GPR137C: variants seen among roughly 807,000 people sequenced by gnomAD.
GPR137C encodes G protein-coupled receptor 137C.
Under a neutral mutation model 43.4 loss-of-function variants are expected in GPR137C, and 27 were observed. That is an observed-to-expected ratio of 0.62 (90% CI 0.46 to 0.86). The LOEUF is 0.86. GPR137C is among the 40% of genes least tolerant of loss of function. GPR137C has a pLI of 0.00. For missense variants in GPR137C, 522 were observed against 534.6 expected, an observed-to-expected ratio of 0.98 and a Z score of 0.23; for synonymous variants, 285 against 226.9, an observed-to-expected ratio of 1.26 and a Z score of -2.30.
At chr14:52,622,769 T>A (rs2039174916) in intron 3 of GPR137C, among the ~76,000 whole-genome samples, 1 of 152,094 alleles carries the variant, frequency 6.6e-6, no homozygotes, top group Non-Finnish European at 1.5e-5. Context: ...AGAATTACTT[T>A]AAGGGCACAT....
intron 1 of GPR137C, among the ~76,000 whole-genome samples, chr14:52,577,183 CAAAAAAAAAAAAAAAA>C (rs34249999): frequency 4.9e-5 from 2 of 41,172 alleles, no homozygotes; most frequent in South Asian, 1.2e-3. Flanking sequence ...TAAGACTCCT[CAAAAAAAAAAAAAAAA>C]AAAAAAAAAA....
intron 1 of GPR137C, among the ~76,000 whole-genome samples, chr14:52,592,309 A>G (rs1293504415): frequency 1.3e-5 from 2 of 152,116 alleles, no homozygotes; most frequent in Non-Finnish European, 2.9e-5. Flanking sequence ...TGTCTTGGCT[A>G]TGGGGGCTCT....
Position 52,553,445 on chromosome 14 carries a change from T to G in GPR137C, c.298T>G (p.Phe100Val). The G allele has an allele frequency of 6.2e-7, 1 of 1,609,124 alleles. No homozygotes were observed. The highest frequency in any genetic ancestry group is 1.1e-5 in the South Asian group (1 of 91,070). The change falls in exon 1 of 7, where the codon TTC becomes GTC. Residue 100 changes from phenylalanine to valine, a missense_variant. Transcript: ENST00000321662. ...LLWAALRTTLFSAAFSLSGSL... is the reference protein window; with the variant it reads ...LLWAALRTTLVSAAFSLSGSL... ...GTGGGCAGCGCTCAGGACCACCCTC[T>G]TCTCCGCCGCCTTCTCGCTCAGCGG...
At chr14:52,578,814 CG>C (rs1463133083) in intron 1 of GPR137C, among the ~76,000 whole-genome samples, 2 of 152,070 alleles carry the variant, frequency 1.3e-5, no homozygotes, top group Non-Finnish European at 2.9e-5. Flanking sequence ...CGTGGTGGCA[CG>C]TGCCTTTAGT....
rs138531237 is a variant in GPR137C, at chr14:52,570,103, G to A, written c.444+16512G>A. Among the ~76,000 whole-genome samples, 1,216 of 152,196 alleles carry A rather than the reference G, an allele frequency of 8.0e-3. 15 individuals carry two copies. Among genetic ancestry groups the A allele is most frequent in the African/African-American group, 0.028 (1,160 of 41,522 alleles). On this transcript the variant is annotated intron_variant, in intron 1 of 6. Coordinates refer to ENST00000321662, the MANE Select transcript of GPR137C (RefSeq NM_001099652.2). The stretch of plus-strand genomic sequence containing the variant: ...TTAAGGGCAGCTAGAGAGAAAGGTC[G>A]GGTTACCCACAAAGGGAAGCCCATC...
intron 6 of GPR137C, 56 bp downstream of exon 6, chr14:52,634,002 C>T (rs1311607317): frequency 1.9e-6 from 2 of 1,063,084 alleles, no homozygotes; most frequent in African/African-American, 1.6e-5. Flanking sequence ...TTGAAAAAAA[C>T]AAATCTAAGC....
At chr14:52,607,332 A>G (rs972540580) in intron 3 of GPR137C, among the ~76,000 whole-genome samples, 5 of 152,098 alleles carry the variant, frequency 3.3e-5, no homozygotes, top group Admixed American at 6.6e-5. Flanking sequence ...TTTATCTCCA[A>G]TGTTTCTTTG....
intron 1 of GPR137C, among the ~76,000 whole-genome samples, chr14:52,583,526 T>C (rs943198111): frequency 3.3e-5 from 5 of 152,320 alleles, no homozygotes; most frequent in South Asian, 2.1e-4. Flanking sequence ...TTATGGATTA[T>C]CCCTCTCACC....
intron 1 of GPR137C, among the ~76,000 whole-genome samples, chr14:52,564,039 G>C (rs561199856): frequency 6.6e-6 from 1 of 152,082 alleles, no homozygotes; most frequent in Non-Finnish European, 1.5e-5. Context: ...ACTTTGGGAG[G>C]CCAAGGCAGG....
chr14:52,608,664 CTCTT>C (rs1362257228), intron 3 of GPR137C, among the ~76,000 whole-genome samples: 32 of 151,838 alleles, frequency 2.1e-4, no homozygotes, highest in Admixed American at 2.1e-3. Flanking sequence ...GTGAAAGTCT[CTCTT>C]TCACTTCTAA....
At chr14:52,565,465 T>C (rs886462191) in intron 1 of GPR137C, among the ~76,000 whole-genome samples, 21 of 152,204 alleles carry the variant, frequency 1.4e-4, no homozygotes, top group African/African-American at 4.6e-4. Flanking sequence ...GTGTAGAAAG[T>C]ACCATATTAT....
intron 3 of GPR137C, chr14:52,611,365 T>C (rs546314290): frequency 6.5e-6 from 1 of 153,136 alleles, no homozygotes; most frequent in Admixed American, 6.5e-5. Flanking sequence ...GTAAGTCTAA[T>C]GTGTACCTAG....
At chr14:52,564,828 C>A (rs941282158) in intron 1 of GPR137C, among the ~76,000 whole-genome samples, 2 of 152,010 alleles carry the variant, frequency 1.3e-5, no homozygotes, top group Non-Finnish European at 2.9e-5. Flanking sequence ...TTCACCATAT[C>A]CCAAATAGCA....
At position 52,632,243 on chromosome 14, in the gene GPR137C, G is replaced by A. The variant is rs2039303410; in HGVS notation, c.801G>A (p.Val267=). 2.5e-6 allele frequency: 4 copies of A among 1,609,300 alleles called. No individual in the cohort carries two copies. The Admixed American group carries it at 5.0e-5, about 20-fold the overall frequency. The change falls in exon 4 of 7, where the codon GTG becomes GTA. Residue 267 remains valine, a synonymous_variant. Coordinates refer to ENST00000321662, the MANE Select transcript of GPR137C (RefSeq NM_001099652.2). ...CCAGAGCTTGTTATAATTTGGTGGT[G>A]GTCACCATATCTCAGGATACATTAG... is the stretch of plus-strand genomic sequence containing the variant. ...YSSRACYNLV[V]VTISQDTLES... is the part of the protein sequence containing the mutation.
chr14:52,607,036 C>T (rs959050013), intron 3 of GPR137C, among the ~76,000 whole-genome samples: 4 of 152,028 alleles, frequency 2.6e-5, no homozygotes, highest in East Asian at 1.9e-4. Flanking sequence ...TTAACTTATT[C>T]GTTGAGCCAT....
chr14:52,570,370 C>T (rs539314645), intron 1 of GPR137C, among the ~76,000 whole-genome samples: 4 of 152,256 alleles, frequency 2.6e-5, no homozygotes, highest in South Asian at 2.1e-4. Flanking sequence ...AAGGAACAAC[C>T]GGTAGCAGCC....
chr14:52,610,176 T>C (rs1440184301), intron 3 of GPR137C, among the ~76,000 whole-genome samples: 1 of 152,254 alleles, frequency 6.6e-6, no homozygotes, highest in African/African-American at 2.4e-5. Flanking sequence ...CCTCTTTTGT[T>C]ATCTTCACAG....
chr14:52,618,791 G>C (rs540727379), intron 3 of GPR137C, among the ~76,000 whole-genome samples: 1 of 151,806 alleles, frequency 6.6e-6, no homozygotes, highest in Non-Finnish European at 1.5e-5. Flanking sequence ...AAAATAACTC[G>C]TCAGCATAAA....
chr14:52,580,300 T>C (rs1036255828), intron 1 of GPR137C, among the ~76,000 whole-genome samples: 1 of 152,136 alleles, frequency 6.6e-6, no homozygotes, highest in Non-Finnish European at 1.5e-5. Context: ...TCCCAATTTG[T>C]ATAATATCAT....
Sources: gnomAD v4.1 joint callset for allele counts (sites outside exome capture counted in the v4.1 genomes callset) on GRCh38, gnomAD v4.1.1 for gene constraint, MANE v1.5 for transcripts, NCBI Gene and HGNC (gene_info 2026-07-23, HGNC 2026-07-21) for gene names.